TEX11: variants seen among roughly 807,000 people sequenced by gnomAD.
The protein encoded by TEX11 is testis expressed 11, also known as testis-expressed protein 11.
In TEX11, 7 loss-of-function variants were observed where a neutral mutation model predicts 84.4. The observed-to-expected ratio is 0.08, with a 90% CI of 0.05 to 0.16. The LOEUF (loss-of-function observed/expected upper bound fraction) is 0.16, where lower values mean the gene tolerates loss of function less well. TEX11 is among the 10% of genes least tolerant of loss of function. The pLI is 1.00. For missense variants in TEX11, 551 were observed against 660.5 expected, an observed-to-expected ratio of 0.83 and a Z score of 1.82; for synonymous variants, 264 against 222.8, an observed-to-expected ratio of 1.18 and a Z score of -1.64.
At chrX:70,716,482 G>A (rs1024138257) in intron 13 of TEX11, among the ~76,000 whole-genome samples, 10 of 111,839 alleles carry the variant, frequency 8.9e-5, no homozygotes, top group African/African-American at 3.3e-4. Context: ...CTCAAGCCTC[G>A]GCAATGGTGG....
rs368829218 is a variant in TEX11, at chrX:70,609,106, A to G, written c.1864T>C (p.Trp622Arg). The part of the protein sequence containing the change: ...SLESRANEAQ[W>R]FRKTAWNLAV... The stretch of plus-strand genomic sequence containing the variant: ...TTCCTCTTACCTGTTTTTCGAAACC[A>G]CTGAGCTTCATTAGCTCTTGACTCC... Residue 622 changes from tryptophan to arginine, a missense_variant, in exon 22 of 30, where the codon TGG (tryptophan) becomes CGG (arginine). Trp to Arg is a moderately radical substitution (Grantham distance 101). Transcript: ENST00000374333. 3.2e-5 allele frequency: 38 copies of G among 1,203,063 alleles called. No homozygotes were observed. Among genetic ancestry groups the G allele is most frequent in the Non-Finnish European group, 4.0e-5 (36 of 891,946 alleles).
chrX:70,765,068 C>A (rs1052531970), intron 9 of TEX11, among the ~76,000 whole-genome samples: 2 of 111,555 alleles, frequency 1.8e-5, no homozygotes. Flanking sequence ...CAAAAATCCT[C>A]GACAAAATAT....
At chrX:70,515,323 G>A in the TEX11 span, among the ~76,000 whole-genome samples, 7,703 of 89,279 alleles carry the variant, frequency 0.086, 645 homozygotes, top group African/African-American at 0.25. Context: ...CACTGTGTCC[G>A]AGTCTTCTCA....
At chrX:70,761,121 A>C (rs1364761219) in intron 9 of TEX11, among the ~76,000 whole-genome samples, 1 of 111,995 alleles carries the variant, frequency 8.9e-6, no homozygotes, top group Non-Finnish European at 1.9e-5. Context: ...CAGATGCTGG[A>C]GAGGATATGG....
chrX:70,621,305 G>A (rs377049971), intron 20 of TEX11, among the ~76,000 whole-genome samples: 5 of 105,090 alleles, frequency 4.8e-5, no homozygotes, highest in Non-Finnish European at 9.7e-5. Flanking sequence ...GGAGGATCAC[G>A]AGGTCAGGAG....
At chrX:70,684,881 G>A (rs989817553) in intron 13 of TEX11, among the ~76,000 whole-genome samples, 10 of 111,383 alleles carry the variant, frequency 9.0e-5, no homozygotes, top group Non-Finnish European at 1.3e-4. Flanking sequence ...GAGGCATCAC[G>A]CTTTCTGATT....
At chrX:70,624,555 G>C (rs1388691432) in intron 19 of TEX11, among the ~76,000 whole-genome samples, 1 of 111,924 alleles carries the variant, frequency 8.9e-6, no homozygotes, top group Admixed American at 9.5e-5. Context: ...AGACTCCTCT[G>C]ACTCTTTTAT....
chrX:70,678,743 G>T, intron 15 of TEX11, 61 bp downstream of exon 15: 1 of 917,535 alleles, frequency 1.1e-6, no homozygotes, highest in Non-Finnish European at 1.5e-6. Flanking sequence ...TTTTTATAGT[G>T]AATGCACTAT....
rs1428129010 is a variant in TEX11, at chrX:70,567,069, C to A, written c.2141-12269G>T. On this transcript the variant is annotated intron_variant, in intron 25 of 29. Transcript: ENST00000374333. The stretch of plus-strand genomic sequence containing the variant: ...TTGGTTGGTAAGCTATTGATTATTG[C>A]CACAATTTCAGAGCCTGTTATTGGT... 1.8e-5 allele frequency among the ~76,000 whole-genome samples: 2 copies of A among 111,196 alleles called. 1 individual carries two copies. The highest frequency in any genetic ancestry group is 3.8e-5 in the Non-Finnish European group (2 of 53,022).
At chrX:70,779,444 G>A (rs76615939) in intron 9 of TEX11, among the ~76,000 whole-genome samples, 6,837 of 101,565 alleles carry the variant, frequency 0.067, 450 homozygotes, top group Admixed American at 0.24. Context: ...AAAGTTTACA[G>A]CAATAAATGC....
intron 15 of TEX11, among the ~76,000 whole-genome samples, chrX:70,674,133 T>C (rs973672417): frequency 2.7e-5 from 3 of 111,240 alleles, no homozygotes; most frequent in Non-Finnish European, 3.8e-5. Context: ...CTCCCACTTA[T>C]AAGTGAAAAC....
rs1013286749 is a variant in TEX11 at position 70,775,501 on chromosome X, C to A, written c.692+31204G>T. Among the ~76,000 whole-genome samples, 9 of 110,270 alleles carry A rather than the reference C, an allele frequency of 8.2e-5. 1 individual carries two copies. Among genetic ancestry groups the A allele is most frequent in the African/African-American group, 3.0e-4 (9 of 30,328 alleles). ...AAACACCTCAACAATTAAAAAAAAT[C>A]TCATTAAAAAGTGAGGTAAAGGACA... On this transcript the variant is annotated intron_variant, in intron 9 of 29. Transcript: ENST00000374333.
At chrX:70,837,322 G>T (rs1357286566) in intron 7 of TEX11, among the ~76,000 whole-genome samples, 3 of 111,370 alleles carry the variant, frequency 2.7e-5, no homozygotes, top group African/African-American at 9.8e-5. Context: ...ACTTTGATAG[G>T]CAGAGGTGGG....
chrX:70,826,134 C>T (rs2091344441), intron 8 of TEX11, among the ~76,000 whole-genome samples: 1 of 110,326 alleles, frequency 9.1e-6, no homozygotes, highest in South Asian at 3.9e-4. Flanking sequence ...TGAAACCCCC[C>T]CAACGTCTCT....
intron 25 of TEX11, among the ~76,000 whole-genome samples, chrX:70,587,966 G>A (rs2088876612): frequency 8.9e-6 from 1 of 112,603 alleles, no homozygotes; most frequent in African/African-American, 3.2e-5. Context: ...TTGATGCCCT[G>A]CTGGATTTCA....
intron 16 of TEX11, among the ~76,000 whole-genome samples, chrX:70,656,947 G>T (rs959563708): frequency 9.0e-6 from 1 of 111,711 alleles, no homozygotes; most frequent in Non-Finnish European, 1.9e-5. Context: ...AGGAGAAACT[G>T]CTGAGAGTAC....
chrX:70,897,891 C>A (rs1408840398), intron 2 of TEX11, among the ~76,000 whole-genome samples: 1 of 111,159 alleles, frequency 9.0e-6, no homozygotes, highest in Non-Finnish European at 1.9e-5. Flanking sequence ...CTTAAAATTC[C>A]AGTAATACAC....
At chrX:70,752,524 C>CAAAAAAAAAAAAAA (rs753939405) in intron 9 of TEX11, among the ~76,000 whole-genome samples, 1 of 28,189 alleles carries the variant, frequency 3.5e-5, no homozygotes, top group African/African-American at 1.2e-4. Context: ...TACTCTGTCT[C>CAAAAAAAAAAAAAA]AAAAAAAAAA....
At chrX:70,682,166 G>C (rs2090152761) in intron 14 of TEX11, among the ~76,000 whole-genome samples, 1 of 111,573 alleles carries the variant, frequency 9.0e-6, no homozygotes, top group African/African-American at 3.3e-5. Context: ...GGAATGCTGA[G>C]CAGATTTGGC....
Sources: allele counts gnomAD v4.1 joint callset (sites outside exome capture counted in the v4.1 genomes callset), GRCh38; gene constraint gnomAD v4.1.1; transcripts MANE v1.5; gene names NCBI Gene and HGNC (gene_info 2026-07-23, HGNC 2026-07-21).